Variants in SRRM4 observed in about 807,000 individuals in gnomAD.
SRRM4 encodes the protein serine/arginine repetitive matrix protein 4.
Under a neutral mutation model 68.9 loss-of-function variants are expected in SRRM4, and 33 were observed. The observed-to-expected ratio is 0.48, with a 90% CI of 0.36 to 0.64. The LOEUF (loss-of-function observed/expected upper bound fraction) is 0.64, where lower values mean the gene tolerates loss of function less well. Ranked by LOEUF, SRRM4 falls within the 30% of genes least tolerant of loss-of-function variation. The pLI is 0.00. For synonymous variants in SRRM4, 318 were observed against 318.8 expected, an observed-to-expected ratio of 1.00 and a Z score of 0.03; for missense variants, 817 against 827.1, an observed-to-expected ratio of 0.99 and a Z score of 0.15.
rs139759615 is a variant in SRRM4 at position 119,154,798 on chromosome 12, C to T, written c.1532+415C>T. ...TGGATCCCGAGCAGCGGAGACAGACCTCTACCCTCAGACCTGTACACTCAG... is the reference window on the plus strand; with the variant it reads ...TGGATCCCGAGCAGCGGAGACAGACTTCTACCCTCAGACCTGTACACTCAG... On this transcript the variant is annotated intron_variant, in intron 12 of 12. Coordinates refer to ENST00000267260, the MANE Select transcript of SRRM4 (RefSeq NM_194286.4). The surrounding 1 kb of genome is among the most constrained non-coding windows in gnomAD (Gnocchi z 4.7). Among the ~76,000 whole-genome samples, 118 of 152,292 alleles carry T rather than the reference C, an allele frequency of 7.7e-4. 1 individual carries two copies. The East Asian group carries it at 0.015, about 19-fold the overall frequency.
chr12:119,075,897 TAGC>T (rs1382802804), intron 1 of SRRM4, among the ~76,000 whole-genome samples: 4 of 50,304 alleles, frequency 8.0e-5, no homozygotes, highest in East Asian at 7.4e-4. Context: ...ATGATGATGG[TAGC>T]GATGATGGTG....
intron 1 of SRRM4, among the ~76,000 whole-genome samples, chr12:119,009,506 G>C (rs1374789398): frequency 2.0e-5 from 3 of 152,194 alleles, no homozygotes; most frequent in Non-Finnish European, 2.9e-5. Context: ...CATCAGAGTT[G>C]CCTTCTAAAA....
At chr12:119,106,935 T>C (rs1954111252) in intron 2 of SRRM4, among the ~76,000 whole-genome samples, 2 of 152,234 alleles carry the variant, frequency 1.3e-5, no homozygotes, top group South Asian at 4.1e-4. Flanking sequence ...AGTATGATAT[T>C]GGCTGTGGGT....
At chr12:119,121,809 T>G (rs1389596369) in intron 5 of SRRM4, among the ~76,000 whole-genome samples, 1 of 152,198 alleles carries the variant, frequency 6.6e-6, no homozygotes. Context: ...TTACTACCTT[T>G]ATTGCTGCCA....
chr12:119,035,369 C>T (rs1953620085), intron 1 of SRRM4, among the ~76,000 whole-genome samples: 1 of 152,146 alleles, frequency 6.6e-6, no homozygotes, highest in African/African-American at 2.4e-5. Flanking sequence ...TGTGTTTGAG[C>T]ATTTGTTGCT....
intron 1 of SRRM4, among the ~76,000 whole-genome samples, chr12:119,051,802 T>C (rs1953744501): frequency 6.6e-6 from 1 of 152,240 alleles, no homozygotes; most frequent in Non-Finnish European, 1.5e-5. Flanking sequence ...GATTAACGTA[T>C]GGTAGAACTG....
chr12:119,150,766 G>A (rs1180775588), intron 9 of SRRM4, among the ~76,000 whole-genome samples: 1 of 152,150 alleles, frequency 6.6e-6, no homozygotes, highest in Non-Finnish European at 1.5e-5. Flanking sequence ...ATACTCCACT[G>A]TGGCCCCAGC....
chr12:118,993,134 TAA>T (rs886111297), intron 1 of SRRM4, among the ~76,000 whole-genome samples: 3 of 152,148 alleles, frequency 2.0e-5, no homozygotes, highest in African/African-American at 7.2e-5. Context: ...CGAGGTCTTA[TAA>T]AGACCTGGAA....
At chr12:119,062,223 G>A (rs1246092088) in intron 1 of SRRM4, among the ~76,000 whole-genome samples, 1 of 152,180 alleles carries the variant, frequency 6.6e-6, no homozygotes, top group Non-Finnish European at 1.5e-5. Flanking sequence ...TTTAAAAGTG[G>A]TTTATCTGTA....
intron 1 of SRRM4, among the ~76,000 whole-genome samples, chr12:119,094,129 C>T (rs1326352891): frequency 2.0e-5 from 3 of 152,166 alleles, no homozygotes; most frequent in Admixed American, 2.0e-4. Context: ...CATAAGCACA[C>T]ACACTCACAC....
intron 1 of SRRM4, among the ~76,000 whole-genome samples, chr12:119,097,134 T>A (rs1954050893): frequency 6.6e-6 from 1 of 152,184 alleles, no homozygotes. Flanking sequence ...AAGTATTTTT[T>A]AAATGCGATA....
At chr12:119,146,243 G>T (rs910062623) in intron 9 of SRRM4, among the ~76,000 whole-genome samples, 5 of 152,146 alleles carry the variant, frequency 3.3e-5, no homozygotes, top group Non-Finnish European at 7.3e-5. Flanking sequence ...AGAGATGGAG[G>T]CTAGGCAGGC....
At chr12:119,137,644 G>A (rs1954339388) in intron 8 of SRRM4, among the ~76,000 whole-genome samples, 1 of 148,066 alleles carries the variant, frequency 6.8e-6, no homozygotes, top group Admixed American at 6.8e-5. Context: ...GGAGATACTG[G>A]AGCTTCACAT....
intron 2 of SRRM4, 142 bp downstream of exon 2, chr12:119,102,524 A>T: frequency 1.5e-6 from 1 of 675,768 alleles, no homozygotes; most frequent in East Asian, 2.8e-5. Context: ...AGAGGAACAA[A>T]TCAGAAATAT....
chr12:119,008,062 G>T (rs890037911), intron 1 of SRRM4, among the ~76,000 whole-genome samples: 17 of 152,168 alleles, frequency 1.1e-4, no homozygotes, highest in Admixed American at 2.0e-4. Context: ...GTGCTCAGCG[G>T]TGAGGCTAAT....
chr12:119,108,477 T>C (rs1262490217), intron 2 of SRRM4, among the ~76,000 whole-genome samples: 1 of 152,316 alleles, frequency 6.6e-6, no homozygotes, highest in African/African-American at 2.4e-5. Context: ...TCTAAGGACT[T>C]GCTTTTTGAA....
chr12:119,091,650 G>A (rs890381346), intron 1 of SRRM4, among the ~76,000 whole-genome samples: 2 of 152,246 alleles, frequency 1.3e-5, no homozygotes, highest in Middle Eastern at 3.4e-3. Context: ...TGCAATTTGC[G>A]GTTTCACCAG....
rs546281575 is a variant in SRRM4, at chr12:119,114,851, A to G, written c.365+487A>G. Among the ~76,000 whole-genome samples, 8 of 151,930 alleles carry G rather than the reference A, an allele frequency of 5.3e-5. No homozygotes were observed. In the East Asian group the frequency reaches 1.6e-3, roughly 30 times the overall value. On this transcript the variant is annotated intron_variant, in intron 3 of 12. Coordinates refer to ENST00000267260, the MANE Select transcript of SRRM4 (RefSeq NM_194286.4). ...GGCTAATTTTTTGTATTTTTAGTAG[A>G]GACAGAATTTCACTGTGTTAGCCAG...
intron 1 of SRRM4, among the ~76,000 whole-genome samples, chr12:119,071,881 C>T (rs534255108): frequency 1.3e-5 from 2 of 152,350 alleles, no homozygotes; most frequent in East Asian, 1.9e-4. Context: ...TAGGACATTG[C>T]CTTCCTGGAA....
Sources: allele counts gnomAD v4.1 joint callset (sites outside exome capture counted in the v4.1 genomes callset), GRCh38; gene constraint gnomAD v4.1.1; non-coding constraint Gnocchi (gnomAD v3.1); transcripts MANE v1.5; gene names NCBI Gene and HGNC (gene_info 2026-07-23, HGNC 2026-07-21).